Variants in SGCD observed in about 807,000 individuals in gnomAD.
SGCD encodes the protein delta-sarcoglycan.
SGCD carries 18 observed loss-of-function variants against 36.6 expected under a neutral mutation model. The ratio of observed to expected loss-of-function variants is 0.49; its 90% CI spans 0.34 to 0.73. SGCD has a LOEUF of 0.73. SGCD is among the 30% of genes least tolerant of loss of function. The pLI is 0.01. For synonymous variants in SGCD, 133 were observed against 130.6 expected, an observed-to-expected ratio of 1.02 and a Z score of -0.12; for missense variants, 387 against 346.7, an observed-to-expected ratio of 1.12 and a Z score of -0.92.
intron 2 of SGCD, among the ~76,000 whole-genome samples, chr5:156,123,143 C>G (rs1762086242): frequency 6.6e-6 from 1 of 151,988 alleles, no homozygotes; most frequent in African/African-American, 2.4e-5. Flanking sequence ...CTGACATGCC[C>G]AAGTAGAGTT....
intron 1 of SGCD, among the ~76,000 whole-genome samples, chr5:156,042,713 G>C (rs1401896116): frequency 2.0e-5 from 3 of 152,262 alleles, no homozygotes; most frequent in South Asian, 2.1e-4. Context: ...TGGTGGGCCT[G>C]GGGGGAGCCA....
chr5:155,992,502 A>G (rs1758453554), intron 1 of SGCD, among the ~76,000 whole-genome samples: 1 of 152,214 alleles, frequency 6.6e-6, no homozygotes, highest in Admixed American at 6.5e-5. Context: ...ACATTTTCAT[A>G]TTATTCATGA....
At chr5:156,709,370 C>G (rs973751069) in intron 7 of SGCD, among the ~76,000 whole-genome samples, 9 of 152,200 alleles carry the variant, frequency 5.9e-5, no homozygotes, top group African/African-American at 2.2e-4. Flanking sequence ...CACTCCCTTC[C>G]TTGTTCACCT....
chr5:155,878,288 A>G (rs1321826036), intron 1 of SGCD, among the ~76,000 whole-genome samples: 1 of 152,126 alleles, frequency 6.6e-6, no homozygotes, highest in Non-Finnish European at 1.5e-5. Flanking sequence ...TCATAGACTT[A>G]GCTCTTAGGC....
chr5:156,715,633 C>T (rs1755186580), intron 7 of SGCD, among the ~76,000 whole-genome samples: 1 of 152,146 alleles, frequency 6.6e-6, no homozygotes, highest in African/African-American at 2.4e-5. Context: ...GACTGTAATT[C>T]AAGAGTGCCT....
At chr5:156,405,440 A>G (rs888165035) in intron 3 of SGCD, among the ~76,000 whole-genome samples, 3 of 152,150 alleles carry the variant, frequency 2.0e-5, no homozygotes, top group Non-Finnish European at 4.4e-5. Context: ...AGGTTTTTCT[A>G]TCTTAAACAA....
intron 1 of SGCD, among the ~76,000 whole-genome samples, chr5:156,085,119 T>C (rs535952661): frequency 1.3e-5 from 2 of 152,268 alleles, no homozygotes; most frequent in East Asian, 3.9e-4. Context: ...TGAGAATTTT[T>C]GCCTCTAAGT....
chr5:156,353,557 A>G (rs969440780), intron 3 of SGCD, among the ~76,000 whole-genome samples: 2 of 152,188 alleles, frequency 1.3e-5, no homozygotes, highest in African/African-American at 4.8e-5. Flanking sequence ...TATTGGCATT[A>G]GTTATACTTT....
intron 1 of SGCD, among the ~76,000 whole-genome samples, chr5:156,072,626 G>C (rs546492893): frequency 1.3e-5 from 2 of 152,074 alleles, no homozygotes; most frequent in African/African-American, 2.4e-5. Flanking sequence ...TGTTCTTCTT[G>C]AGGAGTATCT....
chr5:156,014,964 C>T (rs1468994037), intron 1 of SGCD, among the ~76,000 whole-genome samples: 5 of 152,188 alleles, frequency 3.3e-5, no homozygotes, highest in African/African-American at 7.2e-5. Flanking sequence ...CATCTGAAGG[C>T]ATGTCGTGAC....
chr5:156,302,937 G>A (rs1320479418), intron 3 of SGCD, among the ~76,000 whole-genome samples: 1 of 152,188 alleles, frequency 6.6e-6, no homozygotes, highest in Non-Finnish European at 1.5e-5. Flanking sequence ...CATAGTACTA[G>A]GTCTTACCCA....
In SGCD at chr5:156,759,431, T is replaced by G; in HGVS notation, c.*41T>G. 6.9e-7 allele frequency: 1 copy of G among 1,458,348 alleles called. No individual in the cohort carries two copies. 90.3% of individuals were successfully genotyped at this position (1,458,348 alleles called of 1,614,324 possible). On this transcript the variant is annotated 3_prime_UTR_variant, in exon 9 of 9. Coordinates refer to ENST00000337851, the MANE Select transcript of SGCD (RefSeq NM_000337.6). ...GGACATTGTTGGCAGCATAAAGGCCTTTTTTGGCTTTAGACACTGGCTGCC... is the reference window on the plus strand; with the variant it reads ...GGACATTGTTGGCAGCATAAAGGCCGTTTTTGGCTTTAGACACTGGCTGCC...
the SGCD span, among the ~76,000 whole-genome samples, chr5:155,823,303 A>AG: frequency 1.4e-4 from 13 of 90,518 alleles, no homozygotes; most frequent in African/African-American, 7.9e-4. Context: ...ACAGTGAAGC[A>AG]GAAAAAAAAA....
chr5:156,293,320 G>C (rs1043628354), intron 3 of SGCD, among the ~76,000 whole-genome samples: 1 of 152,018 alleles, frequency 6.6e-6, no homozygotes, highest in African/African-American at 2.4e-5. Flanking sequence ...ACATTTGTCT[G>C]CTTTTTTTCT....
intron 3 of SGCD, among the ~76,000 whole-genome samples, chr5:156,495,688 C>A (rs1756152484): frequency 6.6e-6 from 1 of 152,186 alleles, no homozygotes; most frequent in African/African-American, 2.4e-5. Flanking sequence ...AATCTGAACA[C>A]TTGGCATAGG....
chr5:156,133,914 A>AACACACACACACACACAC (rs70981997), intron 3 of SGCD, among the ~76,000 whole-genome samples: 30 of 140,412 alleles, frequency 2.1e-4, no homozygotes, highest in Non-Finnish European at 3.1e-4. Flanking sequence ...GCCGGGTTAA[A>AACACACACACACACACAC]ACACACACAC....
chr5:155,983,707 G>C (rs1248917081), intron 1 of SGCD, among the ~76,000 whole-genome samples: 3 of 152,072 alleles, frequency 2.0e-5, no homozygotes, highest in African/African-American at 7.2e-5. Flanking sequence ...TTCAAGAAAG[G>C]GTTCTGGTAA....
At chr5:156,247,262 C>T (rs1040848899) in intron 3 of SGCD, among the ~76,000 whole-genome samples, 4 of 152,120 alleles carry the variant, frequency 2.6e-5, no homozygotes, top group African/African-American at 9.7e-5. Flanking sequence ...TATTCTTGAC[C>T]TCTTGAGAAA....
chr5:155,763,351 A>G, the SGCD span, among the ~76,000 whole-genome samples: 2 of 152,192 alleles, frequency 1.3e-5, no homozygotes, highest in Non-Finnish European at 2.9e-5. Flanking sequence ...GAAGAATAAA[A>G]CATATTCAGT....
Sources: allele counts gnomAD v4.1 joint callset (sites outside exome capture counted in the v4.1 genomes callset), GRCh38; gene constraint gnomAD v4.1.1; transcripts MANE v1.5; gene names NCBI Gene and HGNC (gene_info 2026-07-23, HGNC 2026-07-21).